KHDC1: variants seen among roughly 807,000 people sequenced by gnomAD.
KHDC1 encodes the protein KH domain containing 1, also known as KH homology domain-containing protein 1.
KHDC1 carries 21 observed loss-of-function variants against 24.7 expected under a neutral mutation model. The observed-to-expected ratio is 0.85, with a 90% CI of 0.60 to 1.23. The LOEUF is 1.23. KHDC1 is among the 50% of genes most tolerant of loss of function. KHDC1 has a pLI of 0.00. For synonymous variants in KHDC1, 98 were observed against 111.7 expected, an observed-to-expected ratio of 0.88 and a Z score of 0.77; for missense variants, 274 against 298.5, an observed-to-expected ratio of 0.92 and a Z score of 0.61.
At chr6:73,304,207 G>A (rs1195092141) in intron 1 of KHDC1, among the ~76,000 whole-genome samples, 22 of 151,914 alleles carry the variant, frequency 1.4e-4, no homozygotes, top group Non-Finnish European at 8.8e-5. Flanking sequence ...ATTGTTCTAC[G>A]GTTAGGTAAG....
intron 2 of KHDC1, among the ~76,000 whole-genome samples, chr6:73,283,704 G>A (rs1238348490): frequency 4.7e-5 from 7 of 148,112 alleles, no homozygotes; most frequent in Non-Finnish European, 8.9e-5. Flanking sequence ...GCAGTGGCGC[G>A]ATCTTGGCTC....
chr6:73,287,091 C>T (rs768841578), intron 2 of KHDC1, among the ~76,000 whole-genome samples: 6 of 152,048 alleles, frequency 3.9e-5, no homozygotes, highest in African/African-American at 1.2e-4. Flanking sequence ...AGACTATATA[C>T]GGCAAATAGT....
At chr6:73,275,036 C>A (rs1767255429) in intron 2 of KHDC1, 1 of 152,344 alleles carries the variant, frequency 6.6e-6, no homozygotes, top group African/African-American at 2.4e-5. Context: ...CCCCAGTCCA[C>A]AAGGGATTCT....
At chr6:73,293,324 A>C (rs1375275209) in intron 1 of KHDC1, 2 of 531,446 alleles carry the variant, frequency 3.8e-6, no homozygotes, top group Non-Finnish European at 7.0e-6. Context: ...AGAAAGATGA[A>C]ATAATAAAAC....
At chr6:73,297,213 A>T (rs772351903) in intron 1 of KHDC1, among the ~76,000 whole-genome samples, 15 of 152,030 alleles carry the variant, frequency 9.9e-5, no homozygotes, top group Middle Eastern at 3.4e-3. Flanking sequence ...CTATATATAT[A>T]TTTTTTAACA....
intron 2 of KHDC1, among the ~76,000 whole-genome samples, chr6:73,255,199 T>TA (rs1453027806): frequency 1.3e-3 from 178 of 137,788 alleles, no homozygotes; most frequent in African/African-American, 3.8e-3. Context: ...ATTGGTTTAC[T>TA]AAAAAAAAAA....
At chr6:73,286,601 G>T (rs1219288270) in intron 2 of KHDC1, among the ~76,000 whole-genome samples, 1 of 152,188 alleles carries the variant, frequency 6.6e-6, no homozygotes, top group Non-Finnish European at 1.5e-5. Flanking sequence ...ACCAGATGGG[G>T]CAGAGCATGG....
intron 2 of KHDC1, among the ~76,000 whole-genome samples, chr6:73,289,651 TAACA>T (rs1044618642): frequency 1.4e-5 from 2 of 147,300 alleles, no homozygotes; most frequent in African/African-American, 2.5e-5. Flanking sequence ...CCCTGTCTCA[TAACA>T]AACAACAGAA....
chr6:73,266,874 A>G (rs1215928361), intron 2 of KHDC1, among the ~76,000 whole-genome samples: 1 of 152,240 alleles, frequency 6.6e-6, no homozygotes, highest in Non-Finnish European at 1.5e-5. Context: ...AGAGATTAAT[A>G]TACAGGATAA....
intron 4 of KHDC1, 57 bp from the exon 4 acceptor site, chr6:73,241,785 C>T (rs1285889651): frequency 2.5e-6 from 4 of 1,574,502 alleles, no homozygotes; most frequent in Non-Finnish European, 2.6e-6. Context: ...GGCCCATTGG[C>T]AGGCCTGGAC....
In KHDC1 at chr6:73,289,270, G is replaced by T. The variant is rs185829174; in HGVS notation, c.206+2728C>A. 6.5e-4 allele frequency among the ~76,000 whole-genome samples: 83 copies of T among 128,560 alleles called. 2 individuals carry two copies. The East Asian group carries it at 0.02, about 30-fold the overall frequency. 84.3% of individuals were successfully genotyped at this position (128,560 alleles called of 152,430 possible). The stretch of plus-strand genomic sequence containing the variant: ...AATCACTTGAACCCGGGAGGCGGTA[G>T]TTGCAGTAAGCGAAGATTGCACCAC... On this transcript the variant is annotated intron_variant, in intron 2 of 4. Coordinates refer to ENST00000370384, the Ensembl canonical transcript of KHDC1.
At chr6:73,253,564 T>A (rs184861582) in intron 2 of KHDC1, among the ~76,000 whole-genome samples, 1,954 of 149,994 alleles carry the variant, frequency 0.013, 32 homozygotes, top group African/African-American at 0.042. Context: ...AAAAAAAAAA[T>A]AAATAAATAA....
rs1406531540 is a variant in KHDC1, at chr6:73,292,438, A to G, written c.164-398T>C. 3.9e-6 allele frequency: 3 copies of G among 774,794 alleles called. No homozygotes were observed. The Admixed American group carries it at 5.1e-5, about 13-fold the overall frequency. The allele number at this position is 774,794 out of a possible 1,614,324, so 48.0% of individuals were successfully genotyped here. On this transcript the variant is annotated intron_variant, in intron 1 of 4. Coordinates refer to ENST00000370384, the Ensembl canonical transcript of KHDC1. ...TTTATTTTTTCAGAGTGTTGGTTCCAGCAACAGACAGAAATGCTGTAAGTT... is the reference window on the plus strand; with the variant it reads ...TTTATTTTTTCAGAGTGTTGGTTCCGGCAACAGACAGAAATGCTGTAAGTT...
At chr6:73,252,855 CA>C (rs1766806418) in intron 2 of KHDC1, among the ~76,000 whole-genome samples, 1 of 151,832 alleles carries the variant, frequency 6.6e-6, no homozygotes, top group Admixed American at 6.6e-5. Flanking sequence ...AAATGCAGTG[CA>C]AAAGGGGTCA....
intron 1 of KHDC1, among the ~76,000 whole-genome samples, chr6:73,305,822 G>A (rs1056834074): frequency 2.0e-5 from 3 of 151,958 alleles, no homozygotes; most frequent in Admixed American, 6.6e-5. Context: ...ACCACACCCC[G>A]CTAATTTTTG....
exon 2 of KHDC1, chr6:73,292,022 C>A: frequency 6.2e-7 from 1 of 1,614,020 alleles, no homozygotes; most frequent in Non-Finnish European, 8.5e-7. Context: ...TCTAGTCTTT[C>A]CGCTCCTTGA....
intron 2 of KHDC1, among the ~76,000 whole-genome samples, chr6:73,250,677 C>G (rs1484785073): frequency 6.6e-6 from 1 of 152,212 alleles, no homozygotes; most frequent in East Asian, 1.9e-4. Flanking sequence ...ACATACTACT[C>G]TCATTTTGAT....
chr6:73,280,539 CTT>C (rs1562254885), intron 2 of KHDC1, among the ~76,000 whole-genome samples: 1 of 85,218 alleles, frequency 1.2e-5, no homozygotes, highest in African/African-American at 4.7e-5. Context: ...TTTTTTGAGA[CTT>C]TTTCTTTTCA....
At chr6:73,241,831 G>C in intron 4 of KHDC1, 103 bp from the exon 4 acceptor site, 1 of 1,297,772 alleles carries the variant, frequency 7.7e-7, no homozygotes, top group Non-Finnish European at 1.1e-6. Flanking sequence ...TGTCACCCCA[G>C]CCCAGACCTT....
Sources: gnomAD v4.1 joint callset for allele counts (sites outside exome capture counted in the v4.1 genomes callset) on GRCh38, gnomAD v4.1.1 for gene constraint, MANE v1.5 for transcripts, NCBI Gene and HGNC (gene_info 2026-07-23, HGNC 2026-07-21) for gene names.